BMPR2: variants seen among roughly 807,000 people sequenced by gnomAD.
BMPR2 encodes bone morphogenetic protein receptor type-2.
BMPR2 carries 29 observed loss-of-function variants against 100.8 expected under a neutral mutation model. The ratio of observed to expected loss-of-function variants is 0.29; its 90% confidence interval spans 0.21 to 0.39. BMPR2 has a LOEUF of 0.39. Ranked by LOEUF, BMPR2 falls within the 10% of genes least tolerant of loss-of-function variation. The probability of loss-of-function intolerance (pLI) is 1.00; values close to 1 mark genes in which losing one functional copy is unlikely to be tolerated. For missense variants in BMPR2, 1,011 were observed against 1,274.5 expected (o/e 0.79, Z 3.15); for synonymous variants, 382 against 442.3 (o/e 0.86, Z 1.71).
intron 7 of BMPR2, among the ~76,000 whole-genome samples, chr2:202,526,355 A>AG (rs888111283): frequency 1.3e-5 from 2 of 152,236 alleles, no homozygotes; most frequent in Non-Finnish European, 2.9e-5. Context: ...TCTTTAGTGA[A>AG]GAGAACTTTA....
At chr2:202,416,859 C>G (rs951747930) in intron 1 of BMPR2, among the ~76,000 whole-genome samples, 1 of 146,950 alleles carries the variant, frequency 6.8e-6, no homozygotes. Context: ...TTTTTTGAGA[C>G]AGAGTCTTGC....
intron 1 of BMPR2, among the ~76,000 whole-genome samples, chr2:202,402,432 G>A (rs988483733): frequency 3.3e-5 from 5 of 152,026 alleles, no homozygotes; most frequent in East Asian, 1.9e-4. Flanking sequence ...CAGGAGAATC[G>A]CTTGAACCCA....
chr2:202,465,115 G>A (rs960255143), intron 2 of BMPR2, 136 bp downstream of exon 2: 2 of 1,138,370 alleles, frequency 1.8e-6, no homozygotes, highest in African/African-American at 1.5e-5. Flanking sequence ...GCCAGGTGTG[G>A]TGGCTCATGC....
chr2:202,469,859 C>G (rs1399785144), intron 3 of BMPR2, among the ~76,000 whole-genome samples: 1 of 152,018 alleles, frequency 6.6e-6, no homozygotes, highest in African/African-American at 2.4e-5. Context: ...AAAAAAAGCC[C>G]TGAAGAGAAA....
intron 1 of BMPR2, among the ~76,000 whole-genome samples, chr2:202,421,230 G>A (rs761702551): frequency 6.7e-6 from 1 of 149,720 alleles, no homozygotes; most frequent in Non-Finnish European, 1.5e-5. Context: ...CAGCATGGGC[G>A]ACAGAGTGAG....
At chr2:202,521,731 G>A (rs1687822437) in intron 7 of BMPR2, among the ~76,000 whole-genome samples, 1 of 152,156 alleles carries the variant, frequency 6.6e-6, no homozygotes, top group Non-Finnish European at 1.5e-5. Flanking sequence ...GTTGTACAGG[G>A]TATTTATGGA....
At position 202,456,063 on chromosome 2, in the gene BMPR2, CAAAAAAAAAAAAAAAAAAAAAAAA is replaced by C. The variant is rs750470872; in HGVS notation, c.77-8730_77-8707del. ...CTGGGCAACAGGGTGAGACCCGTCT[CAAAAAAAAAAAAAAAAAAAAAAAA>C]AAAAAAAAAAAAAAAGTTAAGTAGT... On this transcript the variant is annotated intron_variant, in intron 1 of 12. Coordinates refer to ENST00000374580, the MANE Select transcript of BMPR2 (RefSeq NM_001204.7). 2.7e-4 allele frequency among the ~76,000 whole-genome samples: 10 copies of C among 36,764 alleles called. No homozygotes were observed. The South Asian group carries it at 3.1e-3, about 12-fold the overall frequency. 24.1% of individuals were successfully genotyped at this position (36,764 alleles called of 152,430 possible).
At chr2:202,470,613 A>T (rs1396273908) in intron 3 of BMPR2, among the ~76,000 whole-genome samples, 1 of 151,596 alleles carries the variant, frequency 6.6e-6, no homozygotes, top group African/African-American at 2.4e-5. Flanking sequence ...TACAAAAAAA[A>T]ATTAGCCGGG....
rs1365521743 is a variant in BMPR2 at position 202,377,532 on chromosome 2, C to A, written c.58C>A (p.Leu20Met). ...GCCCTGGCTACCATGGACCATCCTG[C>A]TGGTCAGCACTGCGGCTGGTGAGTA... is the stretch of plus-strand genomic sequence containing the variant. ...RVPWLPWTIL[L>M]VSTAAASQNQ... The change falls in exon 1 of 13, where the codon CTG becomes ATG. Residue 20 changes from leucine (L) to methionine (M), a missense_variant. Transcript: ENST00000374580. 6.2e-7 allele frequency: 1 copy of A among 1,614,108 alleles called. No individual in the cohort carries two copies. The highest frequency in any genetic ancestry group is 8.5e-7 in the Non-Finnish European group (1 of 1,180,052).
chr2:202,534,405 G>A (rs577553737), intron 9 of BMPR2, among the ~76,000 whole-genome samples: 3 of 151,660 alleles, frequency 2.0e-5, no homozygotes, highest in Admixed American at 1.3e-4. Flanking sequence ...AGGACCCTGC[G>A]GCCTTCCGCA....
rs1209886915 is a variant in BMPR2, at chr2:202,518,893, G to A, written c.693G>A (p.Val231=). 6.2e-7 allele frequency: 1 copy of A among 1,614,204 alleles called. No homozygotes were observed. Among genetic ancestry groups the A allele is most frequent in the South Asian group, 1.1e-5 (1 of 91,080 alleles). ...ATGAGCGTCCAGTTGCTGTAAAAGT[G>A]TTTTCCTTTGCAAACCGTCAGAATT... The part of the protein sequence containing the change: ...SLDERPVAVK[V]FSFANRQNFI... Residue 231 remains valine (V), a synonymous_variant, in exon 6 of 13, where the codon GTG becomes GTA. Coordinates refer to ENST00000374580, the MANE Select transcript of BMPR2 (RefSeq NM_001204.7).
chr2:202,466,699 C>A (rs1692330094), intron 2 of BMPR2, among the ~76,000 whole-genome samples: 1 of 151,200 alleles, frequency 6.6e-6, no homozygotes, highest in African/African-American at 2.5e-5. Context: ...GCAACCTTGA[C>A]CTCCTGGGCT....
intron 1 of BMPR2, among the ~76,000 whole-genome samples, chr2:202,426,741 C>T (rs929031078): frequency 2.0e-5 from 3 of 151,716 alleles, no homozygotes; most frequent in Admixed American, 6.6e-5. Context: ...ACTAGCTGGG[C>T]GTGGGTGGCA....
rs554276953 is a variant in BMPR2 at position 202,385,254 on chromosome 2, C to CT, written c.76+7714dup. On this transcript the variant is annotated intron_variant, in intron 1 of 12. Coordinates refer to ENST00000374580, the MANE Select transcript of BMPR2 (RefSeq NM_001204.7). ...CACCAGGCTAACCTTTTAGGGCAAG[C>CT]TTTTTTTTTTGTTTTCATTTGAAAA... is the stretch of plus-strand genomic sequence containing the variant. Among the ~76,000 whole-genome samples, 266 of 136,396 alleles carry CT rather than the reference C, an allele frequency of 2.0e-3. 2 individuals carry two copies. The highest frequency in any genetic ancestry group is 6.6e-3 in the African/African-American group (241 of 36,452). 89.5% of individuals were successfully genotyped at this position (136,396 alleles called of 152,430 possible). A position where few individuals can be genotyped will look rare whatever the true frequency, so the allele number is the denominator to read the frequency against.
intron 1 of BMPR2, among the ~76,000 whole-genome samples, chr2:202,461,909 C>A (rs894275158): frequency 6.6e-6 from 1 of 151,256 alleles, no homozygotes; most frequent in African/African-American, 2.4e-5. Flanking sequence ...TTTTATCATT[C>A]AATTTCTTTT....
intron 1 of BMPR2, among the ~76,000 whole-genome samples, chr2:202,419,126 G>A (rs540949198): frequency 2.0e-4 from 30 of 152,244 alleles, no homozygotes; most frequent in African/African-American, 7.0e-4. Flanking sequence ...TCAGAGTTTA[G>A]TCCTCAGATG....
chr2:202,420,917 C>T (rs927037347), intron 1 of BMPR2, among the ~76,000 whole-genome samples: 7 of 151,908 alleles, frequency 4.6e-5, no homozygotes, highest in African/African-American at 1.7e-4. Flanking sequence ...TGAGGTCCAA[C>T]TTAGAAGGAA....
At chr2:202,536,641 G>C (rs1688164164) in intron 9 of BMPR2, among the ~76,000 whole-genome samples, 1 of 152,002 alleles carries the variant, frequency 6.6e-6, no homozygotes, top group Non-Finnish European at 1.5e-5. Flanking sequence ...AGGAGGCCGA[G>C]GCAAGTGTAT....
chr2:202,554,329 C>T (rs1688527001), intron 11 of BMPR2, among the ~76,000 whole-genome samples: 1 of 152,068 alleles, frequency 6.6e-6, no homozygotes, highest in Non-Finnish European at 1.5e-5. Context: ...ACCTTGATGG[C>T]CCACCTTGAT....
Sources: gnomAD v4.1 joint callset for allele counts (sites outside exome capture counted in the v4.1 genomes callset) on GRCh38, gnomAD v4.1.1 for gene constraint, MANE v1.5 for transcripts, NCBI Gene and HGNC (gene_info 2026-07-23, HGNC 2026-07-21) for gene names.